CHEK2: variants seen among roughly 807,000 people sequenced by gnomAD.
CHEK2 encodes checkpoint kinase 2.
In CHEK2, 71 loss-of-function variants were observed where a neutral mutation model predicts 69.1. The observed-to-expected ratio is 1.03, with a 90% CI of 0.85 to 1.25. The LOEUF is 1.25. Among genes scored for constraint, CHEK2 ranks in the 50% most tolerant of loss-of-function variants. CHEK2 has a pLI of 0.00. For missense variants in CHEK2, 664 were observed against 649.6 expected, an observed-to-expected ratio of 1.02 and a Z score of -0.24; for synonymous variants, 189 against 226.9, an observed-to-expected ratio of 0.83 and a Z score of 1.50.
chr22:28,694,107 A>G lies in CHEK2; in HGVS notation c.1386T>C (p.Leu462=), dbSNP rs876659337. 2 of 1,593,584 alleles carry G rather than the reference A, an allele frequency of 1.3e-6. No homozygotes were observed. Among genetic ancestry groups the G allele is most frequent in the African/African-American group, 2.7e-5 (2 of 74,754 alleles). ...WAEVSEKALD[L]VKKLLVVDPK... Reference sequence around the variant, plus strand: ...GATCCACTACCAACAACTTCTTGACAAGGTCCAGAGCTAAAGCAACAATTG... The same window carrying G: ...GATCCACTACCAACAACTTCTTGACGAGGTCCAGAGCTAAAGCAACAATTG... Residue 462 remains leucine, a synonymous_variant, in exon 13 of 15, where the codon CTT becomes CTC. Coordinates refer to ENST00000404276, the MANE Select transcript of CHEK2 (RefSeq NM_007194.4).
intron 8 of CHEK2, among the ~76,000 whole-genome samples, chr22:28,702,383 A>T (rs186920781): frequency 1.0e-4 from 15 of 147,412 alleles, no homozygotes; most frequent in Admixed American, 8.2e-4. Flanking sequence ...GGACTACAGG[A>T]GCCCACCACC....
At chr22:28,719,006 G>A (rs907786018) in intron 5 of CHEK2, among the ~76,000 whole-genome samples, 2 of 151,416 alleles carry the variant, frequency 1.3e-5, no homozygotes, top group Non-Finnish European at 2.9e-5. Flanking sequence ...GCAGGAGGAT[G>A]GGTTGAGCCC....
At chr22:28,723,601 G>GC (rs1555926130) in intron 4 of CHEK2, among the ~76,000 whole-genome samples, 1 of 48,860 alleles carries the variant, frequency 2.0e-5, no homozygotes, top group Non-Finnish European at 3.7e-5. Flanking sequence ...CCGTCACAAG[G>GC]AAAAAAAAAG....
chr22:28,729,638 T>C (rs1305726128), intron 2 of CHEK2, among the ~76,000 whole-genome samples: 1 of 148,072 alleles, frequency 6.8e-6, no homozygotes. Context: ...AACAATAGAA[T>C]ATAGGAAAAT....
intron 2 of CHEK2, among the ~76,000 whole-genome samples, chr22:28,733,874 A>G (rs2054288127): frequency 6.6e-6 from 1 of 150,546 alleles, no homozygotes; most frequent in African/African-American, 2.4e-5. Flanking sequence ...AGCCGAGCCG[A>G]GATGGCGTCA....
At chr22:28,713,837 C>G (rs1344261282) in intron 5 of CHEK2, among the ~76,000 whole-genome samples, 4 of 152,042 alleles carry the variant, frequency 2.6e-5, no homozygotes, top group Admixed American at 6.6e-5. Context: ...TGTGCCACCT[C>G]GCCCAACTAA....
At chr22:28,699,536 T>C (rs1211879540) in intron 9 of CHEK2, among the ~76,000 whole-genome samples, 3 of 152,006 alleles carry the variant, frequency 2.0e-5, no homozygotes, top group Non-Finnish European at 4.4e-5. Flanking sequence ...AGCTAATTTT[T>C]GTATTTTTAG....
At chr22:28,699,705 G>C (rs1206848091) in intron 9 of CHEK2, 133 bp downstream of exon 9, 1 of 747,876 alleles carries the variant, frequency 1.3e-6, no homozygotes, top group African/African-American at 1.7e-5. Context: ...GGACATTTTT[G>C]CCAAGAAGAG....
intron 8 of CHEK2, among the ~76,000 whole-genome samples, chr22:28,700,708 C>T (rs1263186391): frequency 6.6e-6 from 1 of 152,088 alleles, no homozygotes; most frequent in Non-Finnish European, 1.5e-5. Context: ...ATACCATCTA[C>T]CTTGATGGTT....
At chr22:28,733,778 G>A (rs2054285244) in intron 2 of CHEK2, among the ~76,000 whole-genome samples, 1 of 151,978 alleles carries the variant, frequency 6.6e-6, no homozygotes, top group Non-Finnish European at 1.5e-5. Context: ...AATTAGCCAG[G>A]TGTGGTGGTG....
At chr22:28,712,231 T>C in intron 5 of CHEK2, 1 of 586,150 alleles carries the variant, frequency 1.7e-6, no homozygotes. Context: ...ATTCCATTTC[T>C]GAGCCCAGCA....
chr22:28,726,601 T>C (rs994591931), intron 2 of CHEK2, among the ~76,000 whole-genome samples: 1 of 146,858 alleles, frequency 6.8e-6, no homozygotes, highest in African/African-American at 2.5e-5. Context: ...TATTAATATA[T>C]GTATTTATAT....
At chr22:28,694,469 A>T (rs879416678) in intron 12 of CHEK2, among the ~76,000 whole-genome samples, 2 of 152,196 alleles carry the variant, frequency 1.3e-5, no homozygotes, top group Non-Finnish European at 2.9e-5. Context: ...ACATCTACAG[A>T]TGGATAGGTG....
At chr22:28,703,741 C>T (rs2052993706) in intron 7 of CHEK2, among the ~76,000 whole-genome samples, 175 bp from the exon 8 acceptor site, 1 of 152,182 alleles carries the variant, frequency 6.6e-6, no homozygotes, top group South Asian at 2.1e-4. Flanking sequence ...CTAGCCAACT[C>T]CTCAGTGAGA....
At chr22:28,732,089 C>A (rs1320060617) in intron 2 of CHEK2, among the ~76,000 whole-genome samples, 1 of 151,886 alleles carries the variant, frequency 6.6e-6, no homozygotes. Flanking sequence ...TTACAGATGC[C>A]TGCCACAACG....
chr22:28,727,516 AACAGT>A (rs1402972787), intron 2 of CHEK2, among the ~76,000 whole-genome samples: 1 of 152,178 alleles, frequency 6.6e-6, no homozygotes, highest in Non-Finnish European at 1.5e-5. Flanking sequence ...CCTCTTGTTT[AACAGT>A]ACAACTCCAG....
At chr22:28,690,921 A>T (rs1265116794) in intron 13 of CHEK2, among the ~76,000 whole-genome samples, 1 of 152,024 alleles carries the variant, frequency 6.6e-6, no homozygotes, top group East Asian at 1.9e-4. Flanking sequence ...AGGACCAGGC[A>T]CAGTGGCTCA....
chr22:28,698,373 C>T (rs187815832), intron 9 of CHEK2, among the ~76,000 whole-genome samples: 110 of 151,704 alleles, frequency 7.3e-4, no homozygotes, highest in Admixed American at 1.9e-3. Context: ...CCAGCCTGGG[C>T]GACACAGTGA....
chr22:28,720,092 A>ATTT lies in CHEK2; in HGVS notation c.593-610_593-608dup, dbSNP rs66862903. On this transcript the variant is annotated intron_variant, in intron 4 of 14. Transcript: ENST00000404276. ...TTTGGGCTGTATCTTAAAAAAAGTA[A>ATTT]TTTTTTTTTTTTTTTTTTGAGAGAG... 1.5e-3 allele frequency among the ~76,000 whole-genome samples: 205 copies of ATTT among 134,466 alleles called. 5 individuals are homozygous for ATTT. Among genetic ancestry groups the ATTT allele is most frequent in the Middle Eastern group, 3.9e-3 (1 of 256 alleles). 88.2% of individuals were successfully genotyped at this position (134,466 alleles called of 152,430 possible).
Sources: gnomAD v4.1 joint callset for allele counts (sites outside exome capture counted in the v4.1 genomes callset) on GRCh38, gnomAD v4.1.1 for gene constraint, MANE v1.5 for transcripts, NCBI Gene and HGNC (gene_info 2026-07-23, HGNC 2026-07-21) for gene names.